Variants in ADAMTSL3 observed in about 807,000 individuals in gnomAD.
The protein encoded by ADAMTSL3 is ADAMTS like 3, also known as ADAMTS-like protein 3.
Under a neutral mutation model 201.7 loss-of-function variants are expected in ADAMTSL3, and 128 were observed. The ratio of observed to expected loss-of-function variants is 0.63; its 90% CI spans 0.55 to 0.73. The LOEUF (loss-of-function observed/expected upper bound fraction) is 0.73, where lower values mean the gene tolerates loss of function less well. ADAMTSL3 is among the 30% of genes least tolerant of loss of function. The pLI, the probability that ADAMTSL3 is intolerant of heterozygous loss-of-function variation, is 0.00. For missense variants in ADAMTSL3, 1,990 were observed against 2,119.6 expected, an observed-to-expected ratio of 0.94 and a Z score of 1.20; for synonymous variants, 738 against 748.4, an observed-to-expected ratio of 0.99 and a Z score of 0.23.
chr15:83,693,035 C>G (rs2061634139), intron 2 of ADAMTSL3, among the ~76,000 whole-genome samples: 1 of 151,986 alleles, frequency 6.6e-6, no homozygotes, highest in Non-Finnish European at 1.5e-5. Context: ...GTCTCATTGC[C>G]AAATTGGGAA....
chr15:83,708,074 G>A (rs1461568152), intron 3 of ADAMTSL3, among the ~76,000 whole-genome samples: 3 of 152,182 alleles, frequency 2.0e-5, no homozygotes, highest in Admixed American at 2.0e-4. Context: ...CAGAACCTGT[G>A]TCAGGTGGCA....
intron 3 of ADAMTSL3, among the ~76,000 whole-genome samples, chr15:83,733,098 C>T (rs745780453): frequency 6.6e-6 from 1 of 152,144 alleles, no homozygotes; most frequent in Non-Finnish European, 1.5e-5. Context: ...AATTTACCGT[C>T]TGGGTGTAAT....
At chr15:83,834,984 C>T (rs1052511757) in intron 6 of ADAMTSL3, among the ~76,000 whole-genome samples, 3 of 152,090 alleles carry the variant, frequency 2.0e-5, no homozygotes, top group South Asian at 2.1e-4. Context: ...CTTGTAATCC[C>T]AGCACTTTGG....
At chr15:83,985,304 A>C (rs182523784) in intron 21 of ADAMTSL3, among the ~76,000 whole-genome samples, 1 of 152,154 alleles carries the variant, frequency 6.6e-6, no homozygotes, top group Admixed American at 6.5e-5. Flanking sequence ...CCAAAATTCT[A>C]ATTTTCACAT....
At chr15:83,681,329 T>C (rs973173938) in intron 2 of ADAMTSL3, among the ~76,000 whole-genome samples, 2 of 152,230 alleles carry the variant, frequency 1.3e-5, no homozygotes, top group Non-Finnish European at 2.9e-5. Context: ...GACTTCTGAA[T>C]AGAGGTGACA....
intron 16 of ADAMTSL3, among the ~76,000 whole-genome samples, chr15:83,914,861 GTTTGTTTGTTTGTTT>G (rs1157369650): frequency 4.2e-5 from 1 of 23,624 alleles, no homozygotes; most frequent in African/African-American, 5.0e-4. Flanking sequence ...TTGTTTGTTT[GTTTGTTTGTTTGTTT>G]TTTGTTTTTT....
chr15:83,919,252 A>G (rs1374793542), intron 16 of ADAMTSL3, among the ~76,000 whole-genome samples: 1 of 152,144 alleles, frequency 6.6e-6, no homozygotes, highest in Non-Finnish European at 1.5e-5. Context: ...TTTCAGGAGA[A>G]TACCTATGAG....
chr15:83,960,815 C>T (rs992412333), intron 19 of ADAMTSL3, among the ~76,000 whole-genome samples: 4 of 152,192 alleles, frequency 2.6e-5, no homozygotes, highest in Non-Finnish European at 4.4e-5. Flanking sequence ...TAGCTCGTTT[C>T]TCCCACCCGT....
At chr15:83,862,717 G>A (rs370885655) in intron 8 of ADAMTSL3, 1 of 151,882 alleles carries the variant, frequency 6.6e-6, no homozygotes, top group Non-Finnish European at 1.5e-5. Context: ...TCAACTAATG[G>A]GCAAAATAAC....
At chr15:83,773,367 C>T (rs373939883) in intron 3 of ADAMTSL3, among the ~76,000 whole-genome samples, 156 bp from the exon 4 acceptor site, 2 of 151,920 alleles carry the variant, frequency 1.3e-5, no homozygotes, top group East Asian at 3.9e-4. Context: ...GAGATTGTGC[C>T]ATTGCACTCC....
chr15:83,710,013 G>A (rs578072741), intron 3 of ADAMTSL3, among the ~76,000 whole-genome samples: 1 of 152,182 alleles, frequency 6.6e-6, no homozygotes, highest in Admixed American at 6.5e-5. Flanking sequence ...TGCTGACCTT[G>A]CCACTTTTAG....
At chr15:83,824,295 C>T (rs2063969865) in intron 6 of ADAMTSL3, among the ~76,000 whole-genome samples, 1 of 152,050 alleles carries the variant, frequency 6.6e-6, no homozygotes, top group Non-Finnish European at 1.5e-5. Context: ...GCATTACAGG[C>T]TTGAACCACC....
At chr15:83,932,409 AC>A (rs1011240659) in intron 17 of ADAMTSL3, among the ~76,000 whole-genome samples, 1 of 152,212 alleles carries the variant, frequency 6.6e-6, no homozygotes, top group Non-Finnish European at 1.5e-5. Flanking sequence ...AGTAACCTAC[AC>A]TTTTTGGCTT....
chr15:83,766,674 G>A (rs1029905962), intron 3 of ADAMTSL3, among the ~76,000 whole-genome samples: 11 of 152,200 alleles, frequency 7.2e-5, no homozygotes, highest in African/African-American at 2.7e-4. Context: ...TGTCCATAAA[G>A]AAAATGCAGG....
chr15:83,896,613 AG>A (rs2065620456), intron 13 of ADAMTSL3, among the ~76,000 whole-genome samples: 1 of 152,114 alleles, frequency 6.6e-6, no homozygotes, highest in African/African-American at 2.4e-5. Flanking sequence ...AGGGGGAAAA[AG>A]GGGTGAAGGG....
intron 16 of ADAMTSL3, among the ~76,000 whole-genome samples, chr15:83,919,925 G>A (rs2066105904): frequency 6.6e-6 from 1 of 152,184 alleles, no homozygotes; most frequent in Non-Finnish European, 1.5e-5. Flanking sequence ...CTTATAAAAG[G>A]AAGTTCCCAT....
chr15:83,773,763 C>A (rs916407101), intron 4 of ADAMTSL3, 113 bp downstream of exon 4: 2 of 1,357,580 alleles, frequency 1.5e-6, no homozygotes, highest in Non-Finnish European at 2.0e-6. Flanking sequence ...GATGGTGTAA[C>A]GTTTGCTTTG....
intron 5 of ADAMTSL3, among the ~76,000 whole-genome samples, chr15:83,806,578 G>T (rs904740970): frequency 5.9e-5 from 9 of 152,332 alleles, no homozygotes; most frequent in African/African-American, 2.2e-4. Context: ...ACAAGGCTGG[G>T]TGTGGTGGCT....
intron 16 of ADAMTSL3, among the ~76,000 whole-genome samples, chr15:83,915,662 A>G (rs943223119): frequency 6.6e-5 from 10 of 152,190 alleles, no homozygotes; most frequent in African/African-American, 4.8e-5. Flanking sequence ...TCCTTAAGCA[A>G]TCATACCCCA....
Sources: allele counts gnomAD v4.1 joint callset (sites outside exome capture counted in the v4.1 genomes callset), GRCh38; gene constraint gnomAD v4.1.1; transcripts MANE v1.5; gene names NCBI Gene and HGNC (gene_info 2026-07-23, HGNC 2026-07-21).